PDE10A: variants seen among roughly 807,000 people sequenced by gnomAD.
PDE10A encodes phosphodiesterase 10A, also known as cAMP and cAMP-inhibited cGMP 3',5'-cyclic phosphodiesterase 10A.
A neutral mutation model predicts 97.7 loss-of-function variants in PDE10A; 39 were observed. The observed-to-expected ratio is 0.40, with a 90% CI of 0.31 to 0.52. The LOEUF (loss-of-function observed/expected upper bound fraction) is 0.52, where lower values mean the gene tolerates loss of function less well. PDE10A is among the 20% of genes least tolerant of loss of function. PDE10A has a pLI of 0.56. For missense variants in PDE10A, 731 were observed against 1,047.8 expected (o/e 0.70, Z 4.17); for synonymous variants, 371 against 376.8 (o/e 0.98, Z 0.18).
chr6:165,632,250 G>T (rs911821346), intron 1 of PDE10A, among the ~76,000 whole-genome samples: 1 of 146,586 alleles, frequency 6.8e-6, no homozygotes, highest in Non-Finnish European at 1.5e-5. Context: ...TACAGGAAAC[G>T]GAATGAACAC....
chr6:165,525,359 A>G (rs1388375328), intron 2 of PDE10A, among the ~76,000 whole-genome samples: 3 of 152,160 alleles, frequency 2.0e-5, no homozygotes, highest in Non-Finnish European at 4.4e-5. Flanking sequence ...TCGGGGAGTT[A>G]AAAAAGGTCC....
intron 1 of PDE10A, among the ~76,000 whole-genome samples, chr6:165,557,058 G>C (rs1784292713): frequency 6.6e-6 from 1 of 152,094 alleles, no homozygotes; most frequent in Non-Finnish European, 1.5e-5. Context: ...AGAATCGCTT[G>C]AACCCAGGAG....
At chr6:165,754,284 G>A (rs1793069005) in intron 1 of PDE10A, 2 of 152,184 alleles carry the variant, frequency 1.3e-5, no homozygotes, top group African/African-American at 4.8e-5. Context: ...CTAAGTGACT[G>A]TGGAGCAGAA....
chr6:165,596,714 G>A (rs1786617729), intron 1 of PDE10A, among the ~76,000 whole-genome samples: 1 of 152,106 alleles, frequency 6.6e-6, no homozygotes, highest in South Asian at 2.1e-4. Flanking sequence ...AGGCAACAGA[G>A]TGAGACCATG....
At chr6:165,587,176 GCATGTGGAA>G (rs1785962501) in intron 1 of PDE10A, among the ~76,000 whole-genome samples, 1 of 152,144 alleles carries the variant, frequency 6.6e-6, no homozygotes, top group Admixed American at 6.5e-5. Context: ...CGTATCACCT[GCATGTGGAA>G]CAAAGAAGAC....
intron 1 of PDE10A, among the ~76,000 whole-genome samples, chr6:165,836,604 CT>C (rs1441813874): frequency 1.3e-5 from 2 of 152,212 alleles, no homozygotes; most frequent in African/African-American, 4.8e-5. Context: ...TCAGAGAATC[CT>C]GCCTCGGGGC....
intron 1 of PDE10A, among the ~76,000 whole-genome samples, chr6:165,705,349 A>T (rs1370840776): frequency 6.6e-6 from 1 of 152,248 alleles, no homozygotes; most frequent in Non-Finnish European, 1.5e-5. Flanking sequence ...AATGCCACCC[A>T]GATGCCAGGG....
chr6:165,906,003 CCTT>C (rs1782255855), intron 1 of PDE10A, among the ~76,000 whole-genome samples: 2 of 55,658 alleles, frequency 3.6e-5, no homozygotes, highest in African/African-American at 7.4e-5. Context: ...TTCCTTCCTT[CCTT>C]CCTTCCTTCC....
chr6:165,791,437 T>A lies in PDE10A; in HGVS notation c.-615+196092A>T, dbSNP rs200809824. ...TTCTTTATCTACCTGTTGATGGACA[T>A]TTGGGTTGTCTCTGCATCTTGGCTA... On this transcript the variant is annotated intron_variant, in intron 1 of 19. Coordinates refer to the PDE10A transcript ENST00000366882. 5.9e-5 allele frequency among the ~76,000 whole-genome samples: 9 copies of A among 152,230 alleles called. No individual in the cohort carries two copies. The East Asian group carries it at 1.7e-3, about 30-fold the overall frequency.
At chr6:165,689,913 A>C (rs975121340) in intron 1 of PDE10A, among the ~76,000 whole-genome samples, 5 of 152,234 alleles carry the variant, frequency 3.3e-5, no homozygotes, top group Admixed American at 2.6e-4. Flanking sequence ...GGTGAGTACA[A>C]TGTGAGCACT....
chr6:165,348,732 C>T (rs182049501), intron 18 of PDE10A, among the ~76,000 whole-genome samples: 1 of 152,228 alleles, frequency 6.6e-6, no homozygotes, highest in Non-Finnish European at 1.5e-5. Flanking sequence ...ATAATCTCCA[C>T]ATGTTGTGGG....
chr6:165,422,913 T>C (rs1562451661), intron 10 of PDE10A, among the ~76,000 whole-genome samples: 1 of 152,046 alleles, frequency 6.6e-6, no homozygotes, highest in African/African-American at 2.4e-5. Context: ...TCTAAAACTA[T>C]GTAAGGGTAG....
chr6:165,830,006 G>A (rs1013869782), intron 1 of PDE10A, among the ~76,000 whole-genome samples: 5 of 152,058 alleles, frequency 3.3e-5, no homozygotes, highest in Non-Finnish European at 5.9e-5. Flanking sequence ...GTGTGGCAGC[G>A]GCAATAAACT....
chr6:165,532,406 C>T (rs1782834573), intron 2 of PDE10A, among the ~76,000 whole-genome samples: 1 of 151,284 alleles, frequency 6.6e-6, no homozygotes, highest in South Asian at 2.1e-4. Context: ...CTAAATGGGG[C>T]AAAAATAGTA....
intron 1 of PDE10A, among the ~76,000 whole-genome samples, chr6:165,558,909 A>T (rs896701441): frequency 3.9e-5 from 6 of 152,228 alleles, no homozygotes; most frequent in Admixed American, 1.3e-4. Flanking sequence ...TATGTAGCAA[A>T]CCTGCACGTT....
At chr6:165,933,414 A>G (rs1267939956) in intron 1 of PDE10A, among the ~76,000 whole-genome samples, 1 of 152,218 alleles carries the variant, frequency 6.6e-6, no homozygotes, top group Non-Finnish European at 1.5e-5. Context: ...TTACCAGGCA[A>G]TTCTAGTTTG....
At chr6:165,448,024 G>A (rs965133502) in intron 5 of PDE10A, among the ~76,000 whole-genome samples, 4 of 152,264 alleles carry the variant, frequency 2.6e-5, no homozygotes, top group Non-Finnish European at 4.4e-5. Flanking sequence ...AAAAATCTCA[G>A]AATGCTTTTG....
intron 10 of PDE10A, among the ~76,000 whole-genome samples, chr6:165,422,159 G>A (rs1788738206): frequency 6.6e-6 from 1 of 152,092 alleles, no homozygotes; most frequent in African/African-American, 2.4e-5. Context: ...ACTTTGAAAT[G>A]ACCCTCAGAT....
intron 1 of PDE10A, among the ~76,000 whole-genome samples, chr6:165,767,702 T>G (rs1484278113): frequency 6.6e-6 from 1 of 152,202 alleles, no homozygotes; most frequent in Non-Finnish European, 1.5e-5. Context: ...GACATTTGGA[T>G]TTTTTTCCAC....
Sources: allele counts gnomAD v4.1 joint callset (sites outside exome capture counted in the v4.1 genomes callset), GRCh38; gene constraint gnomAD v4.1.1; transcripts MANE v1.5; gene names NCBI Gene and HGNC (gene_info 2026-07-23, HGNC 2026-07-21).